The following ECE1 variants were observed in gnomAD, a reference collection of about 807,000 sequenced individuals.
The protein encoded by ECE1 is endothelin converting enzyme 1.
ECE1 carries 35 observed loss-of-function variants against 98.6 expected under a neutral mutation model. That is an observed-to-expected ratio of 0.35 (90% CI 0.27 to 0.47). The LOEUF (loss-of-function observed/expected upper bound fraction) is 0.47, where lower values mean the gene tolerates loss of function less well. Ranked by LOEUF, ECE1 falls within the 20% of genes least tolerant of loss-of-function variation. The pLI, the probability that ECE1 is intolerant of heterozygous loss-of-function variation, is 1.00. For missense variants in ECE1, 814 were observed against 1,025.3 expected (o/e 0.79, Z 2.81); for synonymous variants, 394 against 407.1 (o/e 0.97, Z 0.39).
At chr1:21,224,256 C>T (rs542949331) in intron 17 of ECE1, among the ~76,000 whole-genome samples, 9 of 152,308 alleles carry the variant, frequency 5.9e-5, no homozygotes, top group African/African-American at 1.4e-4. Flanking sequence ...TTTTACCCCC[C>T]GTTATTCCTC....
upstream of ECE1, among the ~76,000 whole-genome samples, chr1:21,294,889 T>C (rs1178268463): frequency 6.6e-6 from 1 of 152,254 alleles, no homozygotes; most frequent in Non-Finnish European, 1.5e-5. This position sits in a 1 kb window ranked among gnomAD's most constrained non-coding sequence, Gnocchi z 4.2. Context: ...TTAGAGACGC[T>C]GCCCTTTGTG....
chr1:21,247,133 T>A, intron 9 of ECE1, 88 bp downstream of exon 9: 4 of 1,593,020 alleles, frequency 2.5e-6, no homozygotes, highest in East Asian at 4.5e-5. Flanking sequence ...CTCTCCTGAG[T>A]CAGACTGTCA....
chr1:21,332,713 AGGGGAG>A (rs1200488035), intron 1 of ECE1, among the ~76,000 whole-genome samples: 104 of 1,238 alleles, frequency 0.084, 8 homozygotes, highest in African/African-American at 0.27. Context: ...GAGGTGAGGG[AGGGGAG>A]GGGAGGGGAG....
intron 8 of ECE1, among the ~76,000 whole-genome samples, chr1:21,251,442 G>A (rs1370349113): frequency 2.0e-5 from 3 of 152,160 alleles, no homozygotes; most frequent in African/African-American, 7.2e-5. Context: ...TTGAGCCTGG[G>A]AGGCGGAGGC....
At chr1:21,272,352 C>T (rs760241172) in intron 4 of ECE1, among the ~76,000 whole-genome samples, 12 of 152,264 alleles carry the variant, frequency 7.9e-5, no homozygotes, top group East Asian at 3.9e-4. Flanking sequence ...AGTGCAGTGG[C>T]GCGATCTCGG....
rs1179108389 is a variant in ECE1 at position 21,232,288 on chromosome 1, GT to G, written c.1670+1269del. ...TACATCTAATTTTTTTGAGGAGACA[GT>G]TTTTTTTTTTCTTTCTTTCTTTTTT... On this transcript the variant is annotated intron_variant, in intron 14 of 18. Coordinates refer to ENST00000374893, the MANE Select transcript of ECE1 (RefSeq NM_001397.3). 6.7e-3 allele frequency among the ~76,000 whole-genome samples: 984 copies of G among 147,666 alleles called. 18 individuals are homozygous for G. The highest frequency in any genetic ancestry group is 3.7e-3 in the Non-Finnish European group (248 of 66,418).
intron 1 of ECE1, among the ~76,000 whole-genome samples, chr1:21,314,499 G>C (rs879171840): frequency 6.6e-6 from 1 of 152,216 alleles, no homozygotes; most frequent in Non-Finnish European, 1.5e-5. Flanking sequence ...CCCCAGCCCT[G>C]GTGACAGGGA....
At chr1:21,249,149 C>T (rs564941394) in intron 8 of ECE1, among the ~76,000 whole-genome samples, 2 of 152,146 alleles carry the variant, frequency 1.3e-5, no homozygotes, top group East Asian at 3.9e-4. Context: ...TCAAGACCAG[C>T]CTGGACAACA....
At chr1:21,343,136 G>A (rs866700383) in intron 1 of ECE1, among the ~76,000 whole-genome samples, 1 of 152,106 alleles carries the variant, frequency 6.6e-6, no homozygotes, top group Non-Finnish European at 1.5e-5. Context: ...CGTCTCTCCA[G>A]CTTGGAGAGA....
chr1:21,334,832 C>T (rs1558438211), intron 1 of ECE1, among the ~76,000 whole-genome samples: 1 of 152,172 alleles, frequency 6.6e-6, no homozygotes, highest in Non-Finnish European at 1.5e-5. Context: ...CAGAAACCTA[C>T]GCCTCCTCAG....
At chr1:21,339,521 G>T (rs763081520) in intron 1 of ECE1, among the ~76,000 whole-genome samples, 2 of 152,114 alleles carry the variant, frequency 1.3e-5, no homozygotes, top group Admixed American at 1.3e-4. Flanking sequence ...CTGAAATAAG[G>T]CTCACCCTCC....
intron 1 of ECE1, among the ~76,000 whole-genome samples, chr1:21,331,959 C>T (rs1401533530): frequency 1.3e-5 from 2 of 152,152 alleles, no homozygotes; most frequent in Non-Finnish European, 1.5e-5. Context: ...AACATCACCA[C>T]TCCCAGGAGC....
Position 21,345,443 on chromosome 1 carries a change from G to A in ECE1, c.-65C>T. 6 of 1,284,912 alleles carry A rather than the reference G, an allele frequency of 4.7e-6. No individual in the cohort carries two copies. The highest frequency in any genetic ancestry group is 6.0e-6 in the Non-Finnish European group (6 of 1,000,942). 79.6% of individuals were successfully genotyped at this position (1,284,912 alleles called of 1,614,324 possible). ...GCCCGGCTCCCGATTCCCAGCTCCG[G>A]GTTCCCTGCTCCCAGCCCAGCTGCT... is the stretch of plus-strand genomic sequence containing the variant. On this transcript the variant is annotated 5_prime_UTR_variant, in exon 1 of 19. Coordinates refer to the ECE1 transcript ENST00000415912. The surrounding 1 kb of genome is among the most constrained non-coding windows in gnomAD (Gnocchi z 5.1).
chr1:21,316,484 G>C lies in ECE1; in HGVS notation c.4-26328C>G, dbSNP rs373746351. Among the ~76,000 whole-genome samples the C allele has an allele frequency of 1.6e-4, 25 of 152,190 alleles. No homozygotes were observed. The East Asian group carries it at 4.5e-3, about 27-fold the overall frequency. Reference sequence around the variant, plus strand: ...AGATGGGGTTTCACCATGTTGGCCAGGCTGATCTCGAACTCCTGACCTCAG... The same window carrying C: ...AGATGGGGTTTCACCATGTTGGCCACGCTGATCTCGAACTCCTGACCTCAG... On this transcript the variant is annotated intron_variant, in intron 1 of 18. Coordinates refer to the ECE1 transcript ENST00000415912.
intron 2 of ECE1, 94 bp from the exon 3 acceptor site, chr1:21,279,426 G>C (rs2098251778): frequency 5.0e-6 from 8 of 1,602,090 alleles, no homozygotes; most frequent in Non-Finnish European, 6.8e-6. Flanking sequence ...CCAGGCCCTG[G>C]AGAGGCATCA....
Position 21,282,768 on chromosome 1 carries a change from C to T in ECE1, c.139-3436G>A, listed in dbSNP as rs75505514. Reference sequence around the variant, plus strand: ...AGACAGCTAAGAGCAAGGAGCAAAGCCATCTGCGGAGAGAAGGGAGAGAAG... The same window carrying T: ...AGACAGCTAAGAGCAAGGAGCAAAGTCATCTGCGGAGAGAAGGGAGAGAAG... On this transcript the variant is annotated intron_variant, in intron 2 of 18. Coordinates refer to ENST00000374893, the MANE Select transcript of ECE1 (RefSeq NM_001397.3). Among the ~76,000 whole-genome samples, 918 of 151,386 alleles carry T rather than the reference C, an allele frequency of 6.1e-3. 11 individuals carry two copies. The highest frequency in any genetic ancestry group is 0.021 in the African/African-American group (881 of 41,204).
At chr1:21,342,607 T>TACACATACACAC (rs1161666338) in intron 1 of ECE1, among the ~76,000 whole-genome samples, 2 of 139,724 alleles carry the variant, frequency 1.4e-5, no homozygotes, top group Non-Finnish European at 3.2e-5. Context: ...CACACACAGA[T>TACACATACACAC]ACACACACAC....
intron 4 of ECE1, among the ~76,000 whole-genome samples, chr1:21,267,441 T>A (rs1569575326): frequency 6.6e-6 from 1 of 152,120 alleles, no homozygotes; most frequent in South Asian, 2.1e-4. Flanking sequence ...AGAGAGGCTG[T>A]GCAGGAGAAC....
At position 21,340,918 on chromosome 1, in the gene ECE1, A is replaced by G. The variant is rs2103420847; in HGVS notation, c.3+4458T>C. Among the ~76,000 whole-genome samples the G allele has an allele frequency of 7.7e-6, 1 of 129,592 alleles. No individual in the cohort carries two copies. The highest frequency in any genetic ancestry group is 7.6e-5 in the Admixed American group (1 of 13,244). The allele number at this position is 129,592 out of a possible 152,430, so 85.0% of individuals were successfully genotyped here. A position where few individuals can be genotyped will look rare whatever the true frequency, so the allele number is the denominator to read the frequency against. ...AAGGATTGAGCCCCAGGTCCTTCAT[A>G]TGACCATCCCTGAGTGCACCCTCCG... On this transcript the variant is annotated intron_variant, in intron 1 of 18. Transcript: ENST00000415912. This position sits in a 1 kb window ranked among gnomAD's most constrained non-coding sequence, Gnocchi z 4.6.
Sources: allele counts gnomAD v4.1 joint callset (sites outside exome capture counted in the v4.1 genomes callset), GRCh38; gene constraint gnomAD v4.1.1; non-coding constraint Gnocchi (gnomAD v3.1); transcripts MANE v1.5; gene names NCBI Gene and HGNC (gene_info 2026-07-23, HGNC 2026-07-21).